Variants in TERT observed in about 807,000 individuals in gnomAD.
The protein encoded by TERT is telomerase catalytic subunit.
Under a neutral mutation model 104.0 loss-of-function variants are expected in TERT, and 42 were observed. That is an observed-to-expected ratio of 0.40 (90% CI 0.32 to 0.52). TERT has a LOEUF of 0.52. TERT is among the 20% of genes least tolerant of loss of function. TERT has a pLI of 0.43. For missense variants in TERT, 1,101 were observed against 1,610.3 expected (o/e 0.68, Z 5.41); for synonymous variants, 781 against 725.6 (o/e 1.08, Z -1.23).
chr5:1,262,272 A>T lies in TERT; in HGVS notation c.2844-1672T>A, dbSNP rs1390377019. On this transcript the variant is annotated intron_variant, in intron 11 of 15. Transcript: ENST00000310581. This position sits in a 1 kb window ranked among gnomAD's most constrained non-coding sequence, Gnocchi z 5.6. ...TCTCAGAAAAAAAAATTACACACAC[A>T]CTCTCTTTTCCATCAGCTGTGCCAC... is the stretch of plus-strand genomic sequence containing the variant. 6.6e-6 allele frequency among the ~76,000 whole-genome samples: 1 copy of T among 151,702 alleles called. No homozygotes were observed. The highest frequency in any genetic ancestry group is 2.4e-5 in the African/African-American group (1 of 41,236).
chr5:1,267,663 G>C (rs1168829129), intron 9 of TERT, among the ~76,000 whole-genome samples: 1 of 152,184 alleles, frequency 6.6e-6, no homozygotes, highest in East Asian at 1.9e-4. Context: ...CATAAAAAAG[G>C]ATGAGTTCAT....
chr5:1,254,329 G>A lies in TERT; in HGVS notation c.3295+39C>T, dbSNP rs772225657. On this transcript the variant is annotated intron_variant, in intron 15 of 15. Coordinates refer to ENST00000310581, the MANE Select transcript of TERT (RefSeq NM_198253.3). ...CACAGGGCGTTCAAGGATGACCCCT[G>A]GGCAGGTGGGGCCCGCACTGGCCTC... 6 of 1,612,716 alleles carry A rather than the reference G, an allele frequency of 3.7e-6. No homozygotes were observed. In the East Asian group the frequency reaches 1.3e-4, roughly 36 times the overall value.
chr5:1,272,408 C>A (rs1435463595), intron 6 of TERT, 128 bp from the exon 7 acceptor site: 5 of 889,474 alleles, frequency 5.6e-6, no homozygotes, highest in Non-Finnish European at 1.8e-6. Context: ...GCCCAGAGAG[C>A]GCCTGGGAAG....
Position 1,289,042 on chromosome 5 carries a change from G to A in TERT, c.1573+4271C>T, listed in dbSNP as rs577546440. On this transcript the variant is annotated intron_variant, in intron 2 of 15. Coordinates refer to ENST00000310581, the MANE Select transcript of TERT (RefSeq NM_198253.3). ...TGGCTATAGAAAGAGCAAACATTCA[G>A]GAGCAAGCTCAAGTGAGCAAACGCC... Among the ~76,000 whole-genome samples, 32 of 152,274 alleles carry A rather than the reference G, an allele frequency of 2.1e-4. No individual in the cohort carries two copies. The East Asian group carries it at 5.6e-3, about 27-fold the overall frequency.
rs1461945503 is a variant in TERT at position 1,265,438 on chromosome 5, C to G, written c.2655-846G>C. On this transcript the variant is annotated intron_variant, in intron 10 of 15. Coordinates refer to ENST00000310581, the MANE Select transcript of TERT (RefSeq NM_198253.3). This position sits in a 1 kb window ranked among gnomAD's most constrained non-coding sequence, Gnocchi z 6.9. ...CCAACATACACTCTGAGCCACCTCC[C>G]TGGCCAGCACCCTCAGGAACTTGCC... Among the ~76,000 whole-genome samples the G allele has an allele frequency of 6.6e-6, 1 of 152,186 alleles. No individual in the cohort carries two copies. Among genetic ancestry groups the G allele is most frequent in the African/African-American group, 2.4e-5 (1 of 41,444 alleles).
In TERT at chr5:1,272,514, T is replaced by C. The variant is rs1016273541; in HGVS notation, c.2287-234A>G. Among the ~76,000 whole-genome samples the C allele has an allele frequency of 7.2e-3, 1,044 of 145,828 alleles. 23 individuals carry two copies. Among genetic ancestry groups the C allele is most frequent in the African/African-American group, 0.027 (982 of 36,594 alleles). On this transcript the variant is annotated intron_variant, in intron 6 of 15. Coordinates refer to ENST00000310581, the MANE Select transcript of TERT (RefSeq NM_198253.3). ...CTGCAGCTACCACACATCAGACCCC[T>C]GTGACCGATCACCATCCACAGTCAC...
In TERT at chr5:1,281,509, C is replaced by T. The variant is rs139564727; in HGVS notation, c.1769+920G>A. Among the ~76,000 whole-genome samples the T allele has an allele frequency of 1.4e-3, 214 of 152,370 alleles. 1 individual carries two copies. Among genetic ancestry groups the T allele is most frequent in the African/African-American group, 4.6e-3 (191 of 41,596 alleles). ...GGAGAAGCTAATACCATGGCCTGGG[C>T]TCAGCCAGGCTGGCATCTCCCAGAC... On this transcript the variant is annotated intron_variant, in intron 3 of 15. Coordinates refer to ENST00000310581, the MANE Select transcript of TERT (RefSeq NM_198253.3).
intron 6 of TERT, among the ~76,000 whole-genome samples, chr5:1,276,754 A>G (rs1204470761): frequency 6.6e-6 from 1 of 152,208 alleles, no homozygotes; most frequent in Non-Finnish European, 1.5e-5. Flanking sequence ...TTCTAAAAGG[A>G]GGCGCAGAAG....
At position 1,263,853 on chromosome 5, in the gene TERT, C is replaced by G. The variant is rs1041309972; in HGVS notation, c.2843+551G>C. Among the ~76,000 whole-genome samples, 1 of 152,208 alleles carries G rather than the reference C, an allele frequency of 6.6e-6. No individual in the cohort carries two copies. Among genetic ancestry groups the G allele is most frequent in the Non-Finnish European group, 1.5e-5 (1 of 68,028 alleles). ...AAGACCCCAGAATTTTGTAGAGACC[C>G]CCCCCACACCATGGCCCTGTCCCCT... On this transcript the variant is annotated intron_variant, in intron 11 of 15. Transcript: ENST00000310581. This position sits in a 1 kb window ranked among gnomAD's most constrained non-coding sequence, Gnocchi z 5.3.
rs1748285980 is a variant in TERT, at chr5:1,262,268, A to G, written c.2844-1668T>C. On this transcript the variant is annotated intron_variant, in intron 11 of 15. Transcript: ENST00000310581. The surrounding 1 kb of genome is among the most constrained non-coding windows in gnomAD (Gnocchi z 5.6). The stretch of plus-strand genomic sequence containing the variant: ...GTTTTCTCAGAAAAAAAAATTACAC[A>G]CACACTCTCTTTTCCATCAGCTGTG... 2.0e-5 allele frequency among the ~76,000 whole-genome samples: 3 copies of G among 152,112 alleles called. No homozygotes were observed.
intron 4 of TERT, among the ~76,000 whole-genome samples, chr5:1,279,721 C>T (rs963043257): frequency 3.3e-5 from 5 of 152,220 alleles, no homozygotes; most frequent in Admixed American, 3.3e-4. Flanking sequence ...GACGGGGTCA[C>T]CGCAGCCACC....
intron 12 of TERT, among the ~76,000 whole-genome samples, chr5:1,260,220 C>T (rs148482573): frequency 3.9e-4 from 59 of 152,352 alleles, no homozygotes; most frequent in South Asian, 8.3e-4. Flanking sequence ...CGACTGTGCA[C>T]GAACACACAT....
intron 6 of TERT, 83 bp downstream of exon 6, chr5:1,278,558 C>T (rs967966144): frequency 8.8e-6 from 14 of 1,584,336 alleles, no homozygotes; most frequent in Middle Eastern, 3.3e-4. Context: ...CACAGAAACG[C>T]ATCACAGACA....
chr5:1,263,405 CTT>C lies in TERT; in HGVS notation c.2843+997_2843+998del, dbSNP rs569826270. ...CCACTATGGTTTTGGAATGCTGATA[CTT>C]TTTTTTTTTTTTTTAAGATGAAGTC... On this transcript the variant is annotated intron_variant, in intron 11 of 15. Coordinates refer to ENST00000310581, the MANE Select transcript of TERT (RefSeq NM_198253.3). The surrounding 1 kb of genome is among the most constrained non-coding windows in gnomAD (Gnocchi z 5.3). 1.5e-4 allele frequency among the ~76,000 whole-genome samples: 22 copies of C among 142,600 alleles called. No homozygotes were observed. Among genetic ancestry groups the C allele is most frequent in the African/African-American group, 1.3e-4 (5 of 38,942 alleles). 93.6% of individuals were successfully genotyped at this position (142,600 alleles called of 152,430 possible).
At position 1,261,701 on chromosome 5, in the gene TERT, C is replaced by G. The variant is rs917566788; in HGVS notation, c.2844-1101G>C. 7.9e-5 allele frequency among the ~76,000 whole-genome samples: 12 copies of G among 152,210 alleles called. No homozygotes were observed. Among genetic ancestry groups the G allele is most frequent in the African/African-American group, 2.9e-4 (12 of 41,446 alleles). On this transcript the variant is annotated intron_variant, in intron 11 of 15. Transcript: ENST00000310581. The surrounding 1 kb of genome is among the most constrained non-coding windows in gnomAD (Gnocchi z 7.4). The stretch of plus-strand genomic sequence containing the variant: ...TGGTAGGACCTTCCCAAGTGTGCAT[C>G]AGACGTCCATTTCTTCTTTCACAGC...
At chr5:1,294,730 G>T (rs751080537) in intron 1 of TERT, 41 bp downstream of exon 1, 5 of 1,568,492 alleles carry the variant, frequency 3.2e-6, no homozygotes, top group Non-Finnish European at 4.3e-6. Flanking sequence ...CCCCCCGGCC[G>T]CCCTCAACCC....
chr5:1,267,241 T>A (rs4246742), intron 9 of TERT, among the ~76,000 whole-genome samples: 35,030 of 152,040 alleles, frequency 0.23, 4,748 homozygotes, highest in East Asian at 0.39. Context: ...AAACCCGGAG[T>A]CTTCGAGAGA....
chr5:1,279,600 C>T, intron 4 of TERT, 130 bp from the exon 5 acceptor site: 1 of 903,316 alleles, frequency 1.1e-6, no homozygotes, highest in Middle Eastern at 3.2e-4. Flanking sequence ...ACCTAGAACC[C>T]CTCCCAGCTT....
rs1022576029 is a variant in TERT at position 1,268,814 on chromosome 5, A to G, written c.2469-181T>C. On this transcript the variant is annotated intron_variant, in intron 8 of 15. Transcript: ENST00000310581. This position sits in a 1 kb window ranked among gnomAD's most constrained non-coding sequence, Gnocchi z 5.5. Reference sequence around the variant, plus strand: ...TCTGAACAAACAATCCCTGCTCCCCACTCTCACCATGCACTGGGGCGGCTG... The same window carrying G: ...TCTGAACAAACAATCCCTGCTCCCCGCTCTCACCATGCACTGGGGCGGCTG... 2.6e-5 allele frequency among the ~76,000 whole-genome samples: 4 copies of G among 151,874 alleles called. No homozygotes were observed. The highest frequency in any genetic ancestry group is 6.6e-5 in the Admixed American group (1 of 15,244).
Sources: allele counts gnomAD v4.1 joint callset (sites outside exome capture counted in the v4.1 genomes callset), GRCh38; gene constraint gnomAD v4.1.1; non-coding constraint Gnocchi (gnomAD v3.1); transcripts MANE v1.5; gene names NCBI Gene and HGNC (gene_info 2026-07-23, HGNC 2026-07-21).